CSNK1G1: variants seen among roughly 807,000 people sequenced by gnomAD.
The protein encoded by CSNK1G1 is casein kinase I isoform gamma-1.
Under a neutral mutation model 59.6 loss-of-function variants are expected in CSNK1G1, and 22 were observed. That is an observed-to-expected ratio of 0.37 (90% CI 0.26 to 0.53). The LOEUF (loss-of-function observed/expected upper bound fraction) is 0.53. Among genes scored for constraint, CSNK1G1 ranks in the 20% least tolerant of loss-of-function variants. The pLI is 0.89. For synonymous variants in CSNK1G1, 179 were observed against 177.1 expected, an observed-to-expected ratio of 1.01 and a Z score of -0.08; for missense variants, 384 against 519.5, an observed-to-expected ratio of 0.74 and a Z score of 2.54.
At chr15:64,333,257 C>A (rs1245929464) in intron 1 of CSNK1G1, among the ~76,000 whole-genome samples, 11 of 16,506 alleles carry the variant, frequency 6.7e-4, no homozygotes, top group African/African-American at 1.1e-3. Context: ...GACTCCATCT[C>A]AAAAAAAAAA....
At chr15:64,343,967 C>CTTTCT (rs1478550259) in intron 1 of CSNK1G1, among the ~76,000 whole-genome samples, 3 of 151,872 alleles carry the variant, frequency 2.0e-5, no homozygotes, top group African/African-American at 7.3e-5. Flanking sequence ...AATTACATTC[C>CTTTCT]TTTCTTTTTA....
intron 9 of CSNK1G1, 96 bp downstream of exon 9, chr15:64,204,345 T>C (rs2082149360): frequency 9.8e-7 from 1 of 1,024,450 alleles, no homozygotes; most frequent in African/African-American, 1.7e-5. Flanking sequence ...TTACCAAAGA[T>C]TCAAGCAGAA....
intron 2 of CSNK1G1, among the ~76,000 whole-genome samples, chr15:64,259,716 T>TGAATAAAAC (rs1892593903): frequency 6.6e-6 from 1 of 152,176 alleles, no homozygotes; most frequent in African/African-American, 2.4e-5. Flanking sequence ...AAGGACAGTG[T>TGAATAAAAC]GAATAAAACC....
chr15:64,192,777 A>C (rs890997372), intron 10 of CSNK1G1, among the ~76,000 whole-genome samples: 7 of 132,588 alleles, frequency 5.3e-5, no homozygotes, highest in African/African-American at 2.0e-4. Flanking sequence ...CAGGAGGCAG[A>C]GGTTGCAGTG....
intron 1 of CSNK1G1, among the ~76,000 whole-genome samples, chr15:64,303,586 T>C (rs973753617): frequency 6.6e-6 from 1 of 151,760 alleles, no homozygotes; most frequent in Admixed American, 6.6e-5. Flanking sequence ...ACCCCATCTC[T>C]ACTAAAAACA....
At chr15:64,236,620 C>T (rs1186707607) in intron 4 of CSNK1G1, among the ~76,000 whole-genome samples, 4 of 152,062 alleles carry the variant, frequency 2.6e-5, no homozygotes, top group African/African-American at 9.7e-5. Context: ...AGAACGGCTA[C>T]TATTAAATTA....
At chr15:64,283,716 C>G (rs1894265525) in intron 2 of CSNK1G1, among the ~76,000 whole-genome samples, 1 of 152,174 alleles carries the variant, frequency 6.6e-6, no homozygotes, top group South Asian at 2.1e-4. Context: ...CTCCTGACCT[C>G]AAGTGATCCA....
intron 10 of CSNK1G1, chr15:64,182,056 T>TTTTTTTG: frequency 8.6e-6 from 1 of 116,636 alleles, no homozygotes; most frequent in Middle Eastern, 4.0e-3. Flanking sequence ...GTAACCCGTT[T>TTTTTTTG]TTTTTTTTTT....
In CSNK1G1 at chr15:64,170,136, C is replaced by T. The variant is rs1278544183; in HGVS notation, c.*1795G>A. The T allele has an allele frequency of 6.6e-6, 1 of 152,230 alleles. No homozygotes were observed. The highest frequency in any genetic ancestry group is 1.9e-4 in the East Asian group (1 of 5,198). The allele number at this position is 152,230 out of a possible 1,614,324, so 9.4% of individuals were successfully genotyped here. ...ATGTAAATGACCCTTTCTCTTCTGTCACCGCTGGAATGAGGAGTCATTGTT... is the reference window on the plus strand; with the variant it reads ...ATGTAAATGACCCTTTCTCTTCTGTTACCGCTGGAATGAGGAGTCATTGTT... On this transcript the variant is annotated 3_prime_UTR_variant, in exon 12 of 12. Coordinates refer to ENST00000303052, the MANE Select transcript of CSNK1G1 (RefSeq NM_022048.5).
chr15:64,281,130 C>G (rs569017748), intron 2 of CSNK1G1, among the ~76,000 whole-genome samples: 1 of 152,176 alleles, frequency 6.6e-6, no homozygotes, highest in South Asian at 2.1e-4. Context: ...CCGCCTGCCT[C>G]GGCGTCCCAA....
chr15:64,288,294 A>T (rs1268511452), intron 2 of CSNK1G1, among the ~76,000 whole-genome samples: 1 of 152,214 alleles, frequency 6.6e-6, no homozygotes, highest in Non-Finnish European at 1.5e-5. Context: ...TGAACCAAAA[A>T]ATATGACATA....
chr15:64,333,074 T>C (rs1361467114), intron 1 of CSNK1G1, among the ~76,000 whole-genome samples: 1 of 148,044 alleles, frequency 6.8e-6, no homozygotes. Flanking sequence ...CTAGCCAACA[T>C]GGTGAAATCC....
chr15:64,262,548 A>AT (rs1892750934), intron 2 of CSNK1G1, among the ~76,000 whole-genome samples: 1 of 152,228 alleles, frequency 6.6e-6, no homozygotes, highest in African/African-American at 2.4e-5. Flanking sequence ...AAAAGCCATA[A>AT]ACATCCACTA....
chr15:64,185,462 C>CAG (rs1391622167), intron 10 of CSNK1G1, among the ~76,000 whole-genome samples: 1 of 152,188 alleles, frequency 6.6e-6, no homozygotes, highest in Non-Finnish European at 1.5e-5. Context: ...TGCCTGTCCT[C>CAG]TATCTAAGTG....
intron 2 of CSNK1G1, among the ~76,000 whole-genome samples, chr15:64,292,344 C>G (rs1412555867): frequency 6.6e-6 from 1 of 152,114 alleles, no homozygotes; most frequent in Non-Finnish European, 1.5e-5. Context: ...ACTTTAGAAG[C>G]CATGCAGGAG....
At chr15:64,347,842 C>T (rs1370148947) in intron 1 of CSNK1G1, among the ~76,000 whole-genome samples, 1 of 151,460 alleles carries the variant, frequency 6.6e-6, no homozygotes, top group Non-Finnish European at 1.5e-5. Flanking sequence ...CCGGTCTCTA[C>T]TAAAATACAA....
chr15:64,181,281 T>C (rs1372896634), intron 10 of CSNK1G1: 5 of 1,536,038 alleles, frequency 3.3e-6, no homozygotes, highest in African/African-American at 1.4e-5. Flanking sequence ...ATCTGGTTAA[T>C]GTGGACCCAA....
At chr15:64,174,950 C>G (rs1174224162) in intron 11 of CSNK1G1, among the ~76,000 whole-genome samples, 1 of 151,984 alleles carries the variant, frequency 6.6e-6, no homozygotes, top group Non-Finnish European at 1.5e-5. Context: ...ATGTGTATGT[C>G]TGATCTCTTC....
chr15:64,311,140 A>G (rs1013597166), intron 1 of CSNK1G1, among the ~76,000 whole-genome samples: 5 of 151,682 alleles, frequency 3.3e-5, no homozygotes, highest in Non-Finnish European at 7.4e-5. Context: ...TGCAACTTCC[A>G]CCTCCCGGGA....
Sources: gnomAD v4.1 joint callset for allele counts (sites outside exome capture counted in the v4.1 genomes callset) on GRCh38, gnomAD v4.1.1 for gene constraint, MANE v1.5 for transcripts, NCBI Gene and HGNC (gene_info 2026-07-23, HGNC 2026-07-21) for gene names.